The following ROBO2 variants were observed in gnomAD, a reference collection of about 807,000 sequenced individuals.
ROBO2 encodes roundabout guidance receptor 2, also known as roundabout homolog 2.
Under a neutral mutation model 160.8 loss-of-function variants are expected in ROBO2, and 53 were observed. That is an observed-to-expected ratio of 0.33 (90% confidence interval 0.26 to 0.41). The LOEUF is 0.41. Among genes scored for constraint, ROBO2 ranks in the 10% least tolerant of loss-of-function variants. The probability of loss-of-function intolerance (pLI) is 1.00; values close to 1 mark genes in which losing one functional copy is unlikely to be tolerated. For synonymous variants in ROBO2, 664 were observed against 611.7 expected (o/e 1.09, Z -1.26); for missense variants, 1,577 against 1,722.4 (o/e 0.92, Z 1.49).
At chr3:77,365,530 C>T (rs2070735071) in intron 2 of ROBO2, among the ~76,000 whole-genome samples, 1 of 152,142 alleles carries the variant, frequency 6.6e-6, no homozygotes, top group Non-Finnish European at 1.5e-5. Context: ...ATACCCTTGT[C>T]TAAGTCACTG....
intron 2 of ROBO2, among the ~76,000 whole-genome samples, chr3:76,605,983 C>A (rs181658475): frequency 6.6e-6 from 1 of 152,088 alleles, no homozygotes. Context: ...GGAGGAAAGC[C>A]AAGCTAGATA....
At chr3:76,524,075 A>T (rs977901885) in intron 2 of ROBO2, among the ~76,000 whole-genome samples, 1 of 151,914 alleles carries the variant, frequency 6.6e-6, no homozygotes, top group Non-Finnish European at 1.5e-5. Flanking sequence ...TCCAAGTTTG[A>T]AGTCTTAATA....
chr3:77,313,549 A>T (rs946057446), intron 2 of ROBO2, among the ~76,000 whole-genome samples: 1 of 151,680 alleles, frequency 6.6e-6, no homozygotes, highest in Non-Finnish European at 1.5e-5. Context: ...CAGTCTCTAG[A>T]TCAGTATTTT....
chr3:77,196,908 AG>A (rs911051380), intron 2 of ROBO2, among the ~76,000 whole-genome samples: 5 of 152,076 alleles, frequency 3.3e-5, no homozygotes, highest in African/African-American at 1.2e-4. Flanking sequence ...ATATCAAAAA[AG>A]GGCAAAATAT....
intron 2 of ROBO2, among the ~76,000 whole-genome samples, chr3:77,291,313 G>C (rs1377306791): frequency 6.6e-6 from 1 of 151,952 alleles, no homozygotes; most frequent in Non-Finnish European, 1.5e-5. Flanking sequence ...GGTTAACCGG[G>C]AAGGCTGAGG....
At chr3:76,453,579 G>A (rs547029937) in intron 2 of ROBO2, among the ~76,000 whole-genome samples, 51 of 152,238 alleles carry the variant, frequency 3.4e-4, no homozygotes, top group Middle Eastern at 3.4e-3. Context: ...GGTTACTGTA[G>A]CCTTGTAGTA....
intron 3 of ROBO2, 31 bp downstream of exon 3, chr3:77,477,602 G>T (rs1388163252): frequency 6.3e-7 from 1 of 1,598,228 alleles, no homozygotes; most frequent in Non-Finnish European, 8.6e-7. Context: ...GGCCCAGAGA[G>T]ATTGAATTTT....
At chr3:77,191,806 A>C (rs932457053) in intron 2 of ROBO2, among the ~76,000 whole-genome samples, 1 of 152,164 alleles carries the variant, frequency 6.6e-6, no homozygotes, top group African/African-American at 2.4e-5. Flanking sequence ...CACAAAATGC[A>C]TCTTAGTTTA....
rs146233479 is a variant in ROBO2, at chr3:76,488,420, A to G, written c.109+550818A>G. Among the ~76,000 whole-genome samples, 843 of 151,922 alleles carry G rather than the reference A, an allele frequency of 5.5e-3. 7 individuals are homozygous for G. Among genetic ancestry groups the G allele is most frequent in the African/African-American group, 0.018 (734 of 41,464 alleles). ...TCTCTGCTGTTAGAGAAGACCTGCC[A>G]TTGCCTGCCATGTGGTCCTCTCTCT... On this transcript the variant is annotated intron_variant, in intron 2 of 26. Transcript: ENST00000487694.
Position 76,757,028 on chromosome 3 carries a change from C to CTT in ROBO2, c.110-340983_110-340982dup, listed in dbSNP as rs1300253250. ...GGCCTTGGAGATTACAGCTGCTAAA[C>CTT]TTTTGGTTGCAATTCTTTATATTTT... On this transcript the variant is annotated intron_variant, in intron 2 of 26. Coordinates refer to the ROBO2 transcript ENST00000487694. Among the ~76,000 whole-genome samples the CTT allele has an allele frequency of 4.0e-5, 6 of 151,868 alleles. No individual in the cohort carries two copies. In the East Asian group the frequency reaches 1.2e-3, roughly 30 times the overall value.
chr3:77,243,548 C>T (rs182883610), intron 2 of ROBO2, among the ~76,000 whole-genome samples: 1 of 152,146 alleles, frequency 6.6e-6, no homozygotes, highest in East Asian at 1.9e-4. Flanking sequence ...CTATTCTGGA[C>T]ACGGTCATGG....
At chr3:76,360,074 T>G (rs1444972068) in intron 2 of ROBO2, among the ~76,000 whole-genome samples, 2 of 152,054 alleles carry the variant, frequency 1.3e-5, no homozygotes, top group African/African-American at 4.8e-5. Flanking sequence ...TGAAGTTGCA[T>G]GTATATAATT....
At chr3:76,277,839 A>T (rs2107657668) in intron 2 of ROBO2, among the ~76,000 whole-genome samples, 1 of 152,026 alleles carries the variant, frequency 6.6e-6, no homozygotes, top group East Asian at 1.9e-4. Context: ...ATTGGGTTGA[A>T]TATTGTGAGC....
chr3:76,343,881 C>A (rs2074374988), intron 2 of ROBO2, among the ~76,000 whole-genome samples: 1 of 152,002 alleles, frequency 6.6e-6, no homozygotes, highest in African/African-American at 2.4e-5. Context: ...AATCAGAATG[C>A]AAAATCTGAT....
chr3:76,399,633 A>G (rs2077696953), intron 2 of ROBO2, among the ~76,000 whole-genome samples: 2 of 151,878 alleles, frequency 1.3e-5, no homozygotes, highest in Admixed American at 6.6e-5. Context: ...TGCAAAAGCC[A>G]TGTATGAAGT....
At chr3:76,106,020 G>A (rs1047665025) in intron 2 of ROBO2, among the ~76,000 whole-genome samples, 2 of 152,056 alleles carry the variant, frequency 1.3e-5, no homozygotes, top group African/African-American at 4.8e-5. Context: ...TTCATTTCAG[G>A]TTAGAGGTTC....
intron 2 of ROBO2, among the ~76,000 whole-genome samples, chr3:76,021,695 A>G (rs2066579526): frequency 6.6e-6 from 1 of 151,854 alleles, no homozygotes; most frequent in South Asian, 2.1e-4. Context: ...AACAATGCAC[A>G]TACTTTAATT....
chr3:76,052,171 C>T (rs1370018231), intron 2 of ROBO2, among the ~76,000 whole-genome samples: 2 of 152,046 alleles, frequency 1.3e-5, no homozygotes, highest in African/African-American at 4.8e-5. Context: ...AAAAAGTGAA[C>T]AGCCCTTGAA....
chr3:77,309,462 T>C (rs1218650065), intron 2 of ROBO2, among the ~76,000 whole-genome samples: 1 of 152,230 alleles, frequency 6.6e-6, no homozygotes, highest in Non-Finnish European at 1.5e-5. Context: ...TTATCTATGA[T>C]GTGCCTTCAT....
Sources: gnomAD v4.1 joint callset for allele counts (sites outside exome capture counted in the v4.1 genomes callset) on GRCh38, gnomAD v4.1.1 for gene constraint, MANE v1.5 for transcripts, NCBI Gene and HGNC (gene_info 2026-07-23, HGNC 2026-07-21) for gene names.